GABRG3: variants seen among roughly 807,000 people sequenced by gnomAD.
GABRG3 encodes gamma-aminobutyric acid type A receptor subunit gamma3.
Under a neutral mutation model 48.8 loss-of-function variants are expected in GABRG3, and 25 were observed. The ratio of observed to expected loss-of-function variants is 0.51; its 90% CI spans 0.37 to 0.72. The LOEUF (loss-of-function observed/expected upper bound fraction) is 0.72, where lower values mean the gene tolerates loss of function less well. GABRG3 is among the 30% of genes least tolerant of loss of function. The pLI is 0.00. For missense variants in GABRG3, 394 were observed against 577.9 expected, an observed-to-expected ratio of 0.68 and a Z score of 3.26; for synonymous variants, 227 against 217.6, an observed-to-expected ratio of 1.04 and a Z score of -0.38.
chr15:27,373,446 A>G, intron 5 of GABRG3, among the ~76,000 whole-genome samples: 1 of 152,198 alleles, frequency 6.6e-6, no homozygotes, highest in Non-Finnish European at 1.5e-5. Flanking sequence ...GAAATAAACC[A>G]CAATCTTCCA....
intron 6 of GABRG3, among the ~76,000 whole-genome samples, chr15:27,499,972 A>C (rs1890579156): frequency 6.6e-6 from 1 of 152,228 alleles, no homozygotes; most frequent in Admixed American, 6.5e-5. Context: ...GTCCCCTGGC[A>C]GAGGATGCAC....
intron 6 of GABRG3, among the ~76,000 whole-genome samples, chr15:27,518,075 G>A (rs1329667918): frequency 1.3e-5 from 2 of 151,826 alleles, no homozygotes; most frequent in African/African-American, 4.8e-5. Context: ...TTTGGGCTGG[G>A]CGTGGTGGCT....
intron 3 of GABRG3, among the ~76,000 whole-genome samples, chr15:27,308,999 T>C (rs903824803): frequency 2.7e-5 from 4 of 150,572 alleles, no homozygotes; most frequent in African/African-American, 9.7e-5. Context: ...AAAACACATA[T>C]AATGTAAAAA....
intron 3 of GABRG3, among the ~76,000 whole-genome samples, chr15:27,205,376 G>T (rs1048207277): frequency 5.9e-5 from 9 of 152,050 alleles, no homozygotes; most frequent in Non-Finnish European, 1.3e-4. Context: ...TGCATATGTT[G>T]AAGCAATGTT....
At chr15:27,248,483 C>G (rs1890334226) in intron 3 of GABRG3, among the ~76,000 whole-genome samples, 1 of 152,022 alleles carries the variant, frequency 6.6e-6, no homozygotes, top group South Asian at 2.1e-4. Flanking sequence ...ATTACTCAGC[C>G]ACTGGTATAA....
intron 3 of GABRG3, among the ~76,000 whole-genome samples, chr15:27,043,122 A>G (rs1436255149): frequency 1.3e-5 from 2 of 151,978 alleles, no homozygotes; most frequent in Non-Finnish European, 1.5e-5. Flanking sequence ...TTCCAGCCCC[A>G]TTCTAATACC....
chr15:27,101,060 AAGT>A (rs1897347616), intron 3 of GABRG3, among the ~76,000 whole-genome samples: 1 of 152,228 alleles, frequency 6.6e-6, no homozygotes, highest in African/African-American at 2.4e-5. Flanking sequence ...GTCTACATGA[AAGT>A]CACAAGGAAT....
rs146219384 is a variant in GABRG3, at chr15:27,383,419, C to T, written c.574+54531C>T. On this transcript the variant is annotated intron_variant, in intron 5 of 9. Transcript: ENST00000615808. ...GCCCCATAGAAACTAGGAGACTGCA[C>T]GTCTAGGCTGTGGCTTTGGGCAACT... Among the ~76,000 whole-genome samples, 1,054 of 152,272 alleles carry T rather than the reference C, an allele frequency of 6.9e-3. 5 individuals are homozygous for T. Among genetic ancestry groups the T allele is most frequent in the Non-Finnish European group, 0.011 (727 of 68,018 alleles).
intron 5 of GABRG3, among the ~76,000 whole-genome samples, chr15:27,459,169 G>A (rs1183380187): frequency 1.3e-5 from 2 of 152,234 alleles, no homozygotes; most frequent in African/African-American, 4.8e-5. Flanking sequence ...ATACCTTAGA[G>A]GACTATGTCT....
chr15:27,130,230 T>C lies in GABRG3; in HGVS notation c.270+103409T>C, dbSNP rs192508759. 2.4e-3 allele frequency among the ~76,000 whole-genome samples: 362 copies of C among 152,252 alleles called. 4 individuals are homozygous for C. Among genetic ancestry groups the C allele is most frequent in the African/African-American group, 8.5e-3 (354 of 41,560 alleles). The stretch of plus-strand genomic sequence containing the variant: ...TAAAATTTGAATCAATTTTTGTATG[T>C]GGTGTAAGATAAAGTCCCAACTTCA... On this transcript the variant is annotated intron_variant, in intron 3 of 9. Transcript: ENST00000615808.
chr15:27,526,824 A>G (rs2126704), intron 7 of GABRG3, among the ~76,000 whole-genome samples: 95,338 of 152,072 alleles, frequency 0.63, 31,066 homozygotes, highest in African/African-American at 0.81. Flanking sequence ...CTGGGGGACA[A>G]GCAAACAAAG....
intron 6 of GABRG3, chr15:27,481,286 A>G (rs954631768): frequency 2.4e-5 from 22 of 915,378 alleles, no homozygotes; most frequent in Non-Finnish European, 2.9e-5. Flanking sequence ...TGATCATTAT[A>G]TGCATATTCA....
chr15:27,093,891 T>G (rs1010902655), intron 3 of GABRG3, among the ~76,000 whole-genome samples: 6 of 152,176 alleles, frequency 3.9e-5, no homozygotes, highest in African/African-American at 1.2e-4. Flanking sequence ...GGCTCACAGT[T>G]TGGTCAGAAT....
chr15:27,005,156 A>T (rs1895558426), intron 2 of GABRG3, among the ~76,000 whole-genome samples: 2 of 152,000 alleles, frequency 1.3e-5, no homozygotes, highest in South Asian at 4.2e-4. Context: ...AAACTATTTA[A>T]CATTTTCCCT....
At chr15:27,009,589 A>G (rs1400995723) in intron 2 of GABRG3, among the ~76,000 whole-genome samples, 1 of 152,226 alleles carries the variant, frequency 6.6e-6, no homozygotes, top group Non-Finnish European at 1.5e-5. Flanking sequence ...TGCTAAGACC[A>G]TACTCATGTT....
chr15:27,424,386 G>A (rs1295681515), intron 5 of GABRG3, among the ~76,000 whole-genome samples: 1 of 152,098 alleles, frequency 6.6e-6, no homozygotes, highest in Non-Finnish European at 1.5e-5. Flanking sequence ...GTCTACTGAG[G>A]GCTGCCCTCT....
intron 5 of GABRG3, among the ~76,000 whole-genome samples, chr15:27,394,406 TATG>T (rs1472962798): frequency 6.6e-6 from 1 of 152,104 alleles, no homozygotes; most frequent in Non-Finnish European, 1.5e-5. Context: ...CATATTTATG[TATG>T]ATAAGTATAT....
At chr15:27,311,255 C>G (rs935354302) in intron 3 of GABRG3, among the ~76,000 whole-genome samples, 1 of 151,564 alleles carries the variant, frequency 6.6e-6, no homozygotes, top group African/African-American at 2.4e-5. Flanking sequence ...CTACCCACAT[C>G]AAAGTCAGTA....
At position 27,537,034 on chromosome 15, in the gene GABRG3, A is replaced by C. The variant is rs557302021; in HGVS notation, c.*4153A>C. ...TGCTCTCAAGGCACAAAGCACTTGG[A>C]ATTCACTCCATGATCTTGCAACTCT... On this transcript the variant is annotated 3_prime_UTR_variant, in exon 10 of 10. Coordinates refer to ENST00000615808, the MANE Select transcript of GABRG3 (RefSeq NM_033223.5). 6.6e-6 allele frequency: 1 copy of C among 151,930 alleles called. No homozygotes were observed. The highest frequency in any genetic ancestry group is 6.6e-5 in the Admixed American group (1 of 15,242). The allele number at this position is 151,930 out of a possible 1,614,324, so 9.4% of individuals were successfully genotyped here. A position where few individuals can be genotyped will look rare whatever the true frequency, so the allele number is the denominator to read the frequency against.
Sources: gnomAD v4.1 joint callset for allele counts (sites outside exome capture counted in the v4.1 genomes callset) on GRCh38, gnomAD v4.1.1 for gene constraint, MANE v1.5 for transcripts, NCBI Gene and HGNC (gene_info 2026-07-23, HGNC 2026-07-21) for gene names.